The following TOX2 variants were observed in gnomAD, a reference collection of about 807,000 sequenced individuals.
TOX2 encodes granulosa cell HMG box 1.
A neutral mutation model predicts 47.4 loss-of-function variants in TOX2; 15 were observed. That is an observed-to-expected ratio of 0.32 (90% confidence interval 0.21 to 0.49). The LOEUF is 0.49. Among genes scored for constraint, TOX2 ranks in the 20% least tolerant of loss-of-function variants. The pLI is 0.99. For synonymous variants in TOX2, 290 were observed against 296.6 expected, an observed-to-expected ratio of 0.98 and a Z score of 0.23; for missense variants, 622 against 673.1, an observed-to-expected ratio of 0.92 and a Z score of 0.84.
intron 3 of TOX2, among the ~76,000 whole-genome samples, chr20:44,020,886 T>G (rs1310345022): frequency 6.6e-6 from 1 of 152,152 alleles, no homozygotes; most frequent in Admixed American, 6.5e-5. Flanking sequence ...TGCAGACTTT[T>G]TCCCCCCAGA....
chr20:44,026,021 A>AGGGGGGGGGGG, intron 3 of TOX2, among the ~76,000 whole-genome samples: 1 of 151,668 alleles, frequency 6.6e-6, no homozygotes, highest in Admixed American at 6.6e-5. Context: ...AGTCCTGGGT[A>AGGGGGGGGGGG]GGGGGAACTC....
intron 2 of TOX2, among the ~76,000 whole-genome samples, chr20:43,980,996 T>G (rs1013272511): frequency 1.3e-5 from 2 of 152,168 alleles, no homozygotes; most frequent in African/African-American, 4.8e-5. Flanking sequence ...TTGCTAGAGA[T>G]CAGTTCAAAA....
chr20:44,035,396 C>A (rs1178420647), intron 3 of TOX2, among the ~76,000 whole-genome samples: 1 of 152,096 alleles, frequency 6.6e-6, no homozygotes, highest in African/African-American at 2.4e-5. Context: ...GACACCCTCA[C>A]CTTCTTCACC....
intron 1 of TOX2, among the ~76,000 whole-genome samples, chr20:43,954,670 C>A (rs1007931744): frequency 6.6e-6 from 1 of 152,216 alleles, no homozygotes; most frequent in African/African-American, 2.4e-5. Context: ...AGTGATTTCT[C>A]TGGGCACCTG....
At chr20:44,055,439 G>T (rs1270085623) in intron 5 of TOX2, among the ~76,000 whole-genome samples, 1 of 152,198 alleles carries the variant, frequency 6.6e-6, no homozygotes, top group African/African-American at 2.4e-5. Flanking sequence ...GGGAGGCCTG[G>T]TAAGGAAGGA....
chr20:44,066,209 CT>C (rs1265991497), intron 7 of TOX2, 102 bp downstream of exon 7: 1 of 1,317,206 alleles, frequency 7.6e-7, no homozygotes, highest in Non-Finnish European at 1.0e-6. Flanking sequence ...GTGATATAAC[CT>C]CAGCCTTGGC....
intron 8 of TOX2, 46 bp from the exon 9 acceptor site, chr20:44,068,604 C>G (rs554992656): frequency 6.3e-6 from 10 of 1,587,852 alleles, no homozygotes; most frequent in East Asian, 2.2e-5. Flanking sequence ...TCCCCTGGCC[C>G]GGAGAGGTAC....
chr20:43,955,545 C>A (rs1054843575), intron 1 of TOX2, among the ~76,000 whole-genome samples: 3 of 152,066 alleles, frequency 2.0e-5, no homozygotes, highest in Non-Finnish European at 4.4e-5. Flanking sequence ...AGAAAGAAAT[C>A]AGAAGGAAGT....
At chr20:43,939,176 G>A (rs992476562) in intron 1 of TOX2, among the ~76,000 whole-genome samples, 3 of 151,686 alleles carry the variant, frequency 2.0e-5, no homozygotes, top group Non-Finnish European at 2.9e-5. Context: ...GTGCATGCAC[G>A]TTAGGTCCTA....
chr20:44,052,684 G>A (rs2071536635), intron 4 of TOX2, among the ~76,000 whole-genome samples: 1 of 152,282 alleles, frequency 6.6e-6, no homozygotes, highest in Admixed American at 6.5e-5. Flanking sequence ...AGTCCTATAG[G>A]GCAGGGACTG....
chr20:43,948,668 G>A (rs549649313), intron 1 of TOX2, among the ~76,000 whole-genome samples: 1 of 152,192 alleles, frequency 6.6e-6, no homozygotes, highest in Admixed American at 6.5e-5. Flanking sequence ...GAGGCCCAGG[G>A]CTGCCCAGGA....
At chr20:43,956,160 C>T (rs1160633906) in intron 1 of TOX2, among the ~76,000 whole-genome samples, 3 of 152,148 alleles carry the variant, frequency 2.0e-5, no homozygotes, top group African/African-American at 7.2e-5. Context: ...TTTACAAGGC[C>T]CTTGTCTAGG....
At chr20:43,922,368 T>A (rs542255348) in intron 1 of TOX2, among the ~76,000 whole-genome samples, 1 of 152,280 alleles carries the variant, frequency 6.6e-6, no homozygotes, top group East Asian at 1.9e-4. Flanking sequence ...CTCCAGACTT[T>A]GCCCCTGGTT....
intron 1 of TOX2, among the ~76,000 whole-genome samples, chr20:43,927,071 G>A (rs2069176752): frequency 1.3e-5 from 2 of 152,206 alleles, no homozygotes; most frequent in African/African-American, 2.4e-5. Flanking sequence ...TAGCTTCAAG[G>A]ACCCAGGGAC....
chr20:44,053,870 T>TA (rs1199878851), intron 4 of TOX2, among the ~76,000 whole-genome samples: 1 of 152,126 alleles, frequency 6.6e-6, no homozygotes, highest in Admixed American at 6.5e-5. Flanking sequence ...ATAAGAGATG[T>TA]AAGGGATTTT....
intron 3 of TOX2, 116 bp downstream of exon 3, chr20:44,006,908 G>A: frequency 7.1e-7 from 1 of 1,410,372 alleles, no homozygotes; most frequent in Non-Finnish European, 9.3e-7. Flanking sequence ...GCAGGGTCTG[G>A]GTTTACCTGG....
At chr20:43,985,556 G>A (rs1279460000) in intron 2 of TOX2, among the ~76,000 whole-genome samples, 1 of 152,190 alleles carries the variant, frequency 6.6e-6, no homozygotes, top group African/African-American at 2.4e-5. Flanking sequence ...TGATGCAGAA[G>A]TAAATTAAGT....
chr20:44,047,494 G>GGTT (rs1467357766), intron 3 of TOX2, among the ~76,000 whole-genome samples: 1 of 256 alleles, frequency 3.9e-3, no homozygotes, highest in Non-Finnish European at 5.6e-3. Flanking sequence ...TTTAACATCT[G>GGTT]CACTAAGAAA....
At chr20:43,934,167 G>GAGAGAGA (rs1325521677) in intron 1 of TOX2, among the ~76,000 whole-genome samples, 2 of 149,764 alleles carry the variant, frequency 1.3e-5, no homozygotes, top group African/African-American at 5.0e-5. Context: ...GAGAGAGAGA[G>GAGAGAGA]ACCTGCCCTC....
Sources: allele counts gnomAD v4.1 joint callset (sites outside exome capture counted in the v4.1 genomes callset), GRCh38; gene constraint gnomAD v4.1.1; transcripts MANE v1.5; gene names NCBI Gene and HGNC (gene_info 2026-07-23, HGNC 2026-07-21).